Variants in COPG2 observed in about 807,000 individuals in gnomAD.
COPG2 encodes coat protein complex I subunit gamma 2.
In COPG2, 37 loss-of-function variants were observed where a neutral mutation model predicts 46.3. The ratio of observed to expected loss-of-function variants is 0.80; its 90% confidence interval spans 0.61 to 1.05. COPG2 has a LOEUF of 1.05. Ranked by LOEUF, COPG2 falls within the 50% of genes least tolerant of loss-of-function variation. COPG2 has a pLI of 0.00. For synonymous variants in COPG2, 159 were observed against 129.7 expected (o/e 1.23, Z -1.53); for missense variants, 427 against 387.8 (o/e 1.10, Z -0.85).
At chr7:130,585,046 A>G (rs1447786432) in intron 9 of COPG2, among the ~76,000 whole-genome samples, 2 of 152,196 alleles carry the variant, frequency 1.3e-5, no homozygotes, top group East Asian at 3.9e-4. Flanking sequence ...TGGAGGCATC[A>G]CATTACCTGA....
At chr7:130,668,505 T>G (rs1196561693) in intron 1 of COPG2, 127 bp downstream of exon 1, 4 of 754,544 alleles carry the variant, frequency 5.3e-6, no homozygotes, top group Non-Finnish European at 7.6e-6. Context: ...AGGGGCCGGC[T>G]CCAGCTCCGG....
intron 20 of COPG2, among the ~76,000 whole-genome samples, chr7:130,541,032 G>A (rs1799930466): frequency 1.3e-5 from 2 of 152,204 alleles, no homozygotes; most frequent in South Asian, 2.1e-4. Flanking sequence ...TGGTGGATGC[G>A]GGAGGATGGA....
At chr7:130,507,651 T>A (rs782628234) in intron 22 of COPG2, 34 bp downstream of exon 22, 4 of 773,596 alleles carry the variant, frequency 5.2e-6, no homozygotes, top group South Asian at 4.1e-5. Flanking sequence ...TATACTGTTA[T>A]CAGGCAATAT....
At chr7:130,577,820 C>T (rs1554446503) in intron 9 of COPG2, among the ~76,000 whole-genome samples, 2 of 147,252 alleles carry the variant, frequency 1.4e-5, no homozygotes, top group East Asian at 4.0e-4. Flanking sequence ...CACGAGATTA[C>T]ATCCCGCACC....
chr7:130,539,902 G>T (rs1280844564), intron 20 of COPG2, among the ~76,000 whole-genome samples: 1 of 152,130 alleles, frequency 6.6e-6, no homozygotes, highest in Admixed American at 6.5e-5. Flanking sequence ...AGGTTCGGCA[G>T]GGGAAGGGAA....
intron 20 of COPG2, among the ~76,000 whole-genome samples, chr7:130,513,379 G>A (rs1188577126): frequency 2.4e-4 from 22 of 91,558 alleles, no homozygotes; most frequent in African/African-American, 7.0e-4. Flanking sequence ...ATATATATGT[G>A]TGTGTGTGTG....
At chr7:130,567,270 TA>T (rs1167241510) in intron 9 of COPG2, among the ~76,000 whole-genome samples, 1 of 151,952 alleles carries the variant, frequency 6.6e-6, no homozygotes, top group Admixed American at 6.6e-5. Context: ...AGGATGAGGA[TA>T]AAAAAACTAC....
At chr7:130,667,075 T>C (rs1031995310) in intron 2 of COPG2, 146 bp from the exon 3 acceptor site, 2 of 585,616 alleles carry the variant, frequency 3.4e-6, no homozygotes, top group African/African-American at 1.9e-5. Context: ...ATCTGATAAA[T>C]TATTACACGT....
At chr7:130,536,809 C>G (rs1257003730) in intron 20 of COPG2, among the ~76,000 whole-genome samples, 1 of 152,120 alleles carries the variant, frequency 6.6e-6, no homozygotes, top group African/African-American at 2.4e-5. Flanking sequence ...GTCCGAGACT[C>G]GAGGACTCAG....
intron 5 of COPG2, among the ~76,000 whole-genome samples, chr7:130,648,396 CA>C (rs1289776958): frequency 2.6e-5 from 4 of 152,030 alleles, no homozygotes; most frequent in African/African-American, 9.7e-5. Flanking sequence ...AAGATCCCCC[CA>C]AAGTCTCAAC....
chr7:130,621,348 G>C (rs1795035549), intron 5 of COPG2, among the ~76,000 whole-genome samples: 1 of 152,212 alleles, frequency 6.6e-6, no homozygotes, highest in Non-Finnish European at 1.5e-5. Context: ...GTGGTAACTT[G>C]TTCCAGCAGC....
intron 9 of COPG2, among the ~76,000 whole-genome samples, chr7:130,596,983 G>A (rs1239063238): frequency 6.6e-6 from 1 of 152,228 alleles, no homozygotes. Context: ...ATCAGAAGAA[G>A]TGGACTGAAG....
chr7:130,629,415 G>C lies in COPG2; in HGVS notation c.324-12350C>G, dbSNP rs1205122024. Among the ~76,000 whole-genome samples the C allele has an allele frequency of 2.2e-5, 3 of 136,550 alleles. No homozygotes were observed. The Admixed American group carries it at 2.3e-4, about 10-fold the overall frequency. The allele number at this position is 136,550 out of a possible 152,430, so 89.6% of individuals were successfully genotyped here. On this transcript the variant is annotated intron_variant, in intron 5 of 23. Coordinates refer to ENST00000425248, the MANE Select transcript of COPG2 (RefSeq NM_012133.6). Reference sequence around the variant, plus strand: ...ATTATTATCATTTTTTTTTTTTTGAGACAGAGTTTCACTCTGTCATACAGG... The same window carrying C: ...ATTATTATCATTTTTTTTTTTTTGACACAGAGTTTCACTCTGTCATACAGG...
chr7:130,556,858 T>A (rs1399193436), intron 12 of COPG2, among the ~76,000 whole-genome samples: 2 of 151,838 alleles, frequency 1.3e-5, no homozygotes, highest in Non-Finnish European at 2.9e-5. Context: ...AAGGAACAGA[T>A]GGATATGTCC....
chr7:130,535,207 G>T (rs900437102), intron 20 of COPG2, among the ~76,000 whole-genome samples: 1 of 152,162 alleles, frequency 6.6e-6, no homozygotes, highest in African/African-American at 2.4e-5. Flanking sequence ...AGACAGGCAG[G>T]TACCTTCCCT....
chr7:130,646,857 G>A (rs547825183), intron 5 of COPG2, among the ~76,000 whole-genome samples: 57 of 151,260 alleles, frequency 3.8e-4, no homozygotes, highest in Middle Eastern at 3.4e-3. Context: ...CCCCAGCCAC[G>A]CGGAACTGTG....
chr7:130,514,081 T>G (rs1799654259), intron 20 of COPG2, among the ~76,000 whole-genome samples: 1 of 152,236 alleles, frequency 6.6e-6, no homozygotes, highest in Non-Finnish European at 1.5e-5. Context: ...AAAATGTGGG[T>G]TTATTCAGTC....
intron 9 of COPG2, among the ~76,000 whole-genome samples, chr7:130,607,272 A>C (rs1794751759): frequency 6.6e-6 from 1 of 151,782 alleles, no homozygotes; most frequent in Non-Finnish European, 1.5e-5. Flanking sequence ...TAAATAAATA[A>C]ATAAATAAAT....
At chr7:130,570,428 A>C (rs1793875908) in intron 9 of COPG2, among the ~76,000 whole-genome samples, 1 of 152,212 alleles carries the variant, frequency 6.6e-6, no homozygotes, top group Non-Finnish European at 1.5e-5. Flanking sequence ...AGAGAATCAA[A>C]TCAAGAACTC....
Sources: allele counts gnomAD v4.1 joint callset (sites outside exome capture counted in the v4.1 genomes callset), GRCh38; gene constraint gnomAD v4.1.1; transcripts MANE v1.5; gene names NCBI Gene and HGNC (gene_info 2026-07-23, HGNC 2026-07-21).